Variants in CSMD1 observed in about 807,000 individuals in gnomAD.
CSMD1 encodes the protein CUB and Sushi multiple domains 1, also known as CUB and sushi domain-containing protein 1.
In CSMD1, 213 loss-of-function variants were observed where a neutral mutation model predicts 417.5. That is an observed-to-expected ratio of 0.51 (90% confidence interval 0.46 to 0.57). The LOEUF is 0.57. Among genes scored for constraint, CSMD1 ranks in the 20% least tolerant of loss-of-function variants. CSMD1 has a pLI of 0.00. For missense variants in CSMD1, 6,923 were observed against 4,529.7 expected (o/e 1.53, Z -15.17); for synonymous variants, 2,862 against 1,736.8 (o/e 1.65, Z -16.11).
intron 50 of CSMD1, among the ~76,000 whole-genome samples, chr8:3,030,477 T>C (rs543265553): frequency 9.2e-5 from 14 of 151,938 alleles, no homozygotes; most frequent in Non-Finnish European, 2.1e-4. Flanking sequence ...AATTCTTTTT[T>C]TGTGTGTGTG....
chr8:4,690,137 T>G (rs1472376246), intron 1 of CSMD1, among the ~76,000 whole-genome samples: 1 of 152,244 alleles, frequency 6.6e-6, no homozygotes, highest in African/African-American at 2.4e-5. Flanking sequence ...GTGAAAGACT[T>G]ATTACAATGC....
chr8:3,858,646 T>A (rs929311169), intron 5 of CSMD1, among the ~76,000 whole-genome samples: 2 of 150,892 alleles, frequency 1.3e-5, no homozygotes, highest in African/African-American at 4.9e-5. Flanking sequence ...TTCTATGTAT[T>A]TAATGCTGTT....
chr8:4,059,914 A>G (rs537443033), intron 3 of CSMD1, among the ~76,000 whole-genome samples: 1 of 152,000 alleles, frequency 6.6e-6, no homozygotes, highest in South Asian at 2.1e-4. Flanking sequence ...ATCAATAGAA[A>G]AAGAGGGAAT....
intron 7 of CSMD1, among the ~76,000 whole-genome samples, chr8:3,649,573 T>G (rs560564896): frequency 6.6e-6 from 1 of 152,094 alleles, no homozygotes; most frequent in Admixed American, 6.5e-5. Flanking sequence ...CTGTGCAAAG[T>G]GGGGAGAGCC....
chr8:3,947,290 A>G (rs1811294611), intron 5 of CSMD1, among the ~76,000 whole-genome samples: 1 of 152,154 alleles, frequency 6.6e-6, no homozygotes, highest in Non-Finnish European at 1.5e-5. Context: ...GTGATTATGT[A>G]TGCAGCTTTT....
intron 2 of CSMD1, among the ~76,000 whole-genome samples, chr8:4,430,785 G>A (rs1409978792): frequency 1.3e-5 from 2 of 152,106 alleles, no homozygotes; most frequent in East Asian, 1.9e-4. Context: ...ATTTACAAAT[G>A]ACATTAAAAC....
At chr8:4,679,642 T>C (rs1461836018) in intron 1 of CSMD1, among the ~76,000 whole-genome samples, 1 of 152,120 alleles carries the variant, frequency 6.6e-6, no homozygotes, top group African/African-American at 2.4e-5. Context: ...AAAGATAATA[T>C]CTTACTAGGA....
intron 3 of CSMD1, among the ~76,000 whole-genome samples, chr8:4,101,594 T>G (rs1209452596): frequency 6.6e-6 from 1 of 152,214 alleles, no homozygotes; most frequent in Non-Finnish European, 1.5e-5. Flanking sequence ...TTTTAAAATA[T>G]TCCAACCCAA....
intron 3 of CSMD1, among the ~76,000 whole-genome samples, chr8:4,056,535 T>C (rs1319280101): frequency 6.6e-6 from 1 of 151,778 alleles, no homozygotes; most frequent in Admixed American, 6.6e-5. Flanking sequence ...ATTTCAATTT[T>C]ATTATTATTA....
At chr8:3,331,214 G>C (rs1275953868) in intron 23 of CSMD1, among the ~76,000 whole-genome samples, 1 of 141,628 alleles carries the variant, frequency 7.1e-6, no homozygotes, top group Non-Finnish European at 1.5e-5. Context: ...CTCCAGCCTG[G>C]CCGACAGAAC....
At chr8:3,439,351 T>C (rs1161729736) in intron 12 of CSMD1, among the ~76,000 whole-genome samples, 1 of 144,736 alleles carries the variant, frequency 6.9e-6, no homozygotes, top group Non-Finnish European at 1.5e-5. Flanking sequence ...GACATTTTGA[T>C]AGCTGTGTAT....
At chr8:2,950,064 A>G (rs1259777262) in intron 67 of CSMD1, among the ~76,000 whole-genome samples, 167 bp downstream of exon 67, 2 of 152,114 alleles carry the variant, frequency 1.3e-5, no homozygotes, top group South Asian at 2.1e-4. Context: ...CCCTTATAAA[A>G]TGAAGGAATA....
intron 33 of CSMD1, 50 bp from the exon 34 acceptor site, chr8:3,190,165 A>G (rs1286112403): frequency 8.3e-6 from 12 of 1,449,088 alleles, no homozygotes; most frequent in South Asian, 6.1e-5. Context: ...TCAGCAAGCC[A>G]GGACGTTGCG....
chr8:3,304,736 A>AC (rs1491413075), intron 25 of CSMD1, among the ~76,000 whole-genome samples: 1 of 120,266 alleles, frequency 8.3e-6, no homozygotes, highest in Non-Finnish European at 1.8e-5. Flanking sequence ...TTCTCTTTTT[A>AC]ATTTTTTTTA....
intron 5 of CSMD1, among the ~76,000 whole-genome samples, chr8:3,786,908 G>C (rs1433671952): frequency 6.6e-6 from 1 of 152,048 alleles, no homozygotes; most frequent in African/African-American, 2.4e-5. Flanking sequence ...CCTAATACTA[G>C]CACCTTTAGG....
intron 20 of CSMD1, among the ~76,000 whole-genome samples, chr8:3,364,713 A>T (rs1585056791): frequency 1.3e-5 from 2 of 152,282 alleles, no homozygotes; most frequent in African/African-American, 4.8e-5. Context: ...TGACCATATT[A>T]CCTTCTGCCA....
intron 12 of CSMD1, among the ~76,000 whole-genome samples, chr8:3,450,082 T>C (rs767516313): frequency 6.6e-6 from 1 of 152,134 alleles, no homozygotes; most frequent in Non-Finnish European, 1.5e-5. Context: ...CGGAAAATCA[T>C]CTGGTTTGCT....
At chr8:3,428,792 C>G (rs270065) in intron 12 of CSMD1, among the ~76,000 whole-genome samples, 2 of 152,102 alleles carry the variant, frequency 1.3e-5, no homozygotes, top group African/African-American at 4.8e-5. Flanking sequence ...AGCCAAGATA[C>G]GGAAAGAACC....
At chr8:4,243,293 C>T (rs1802510146) in intron 3 of CSMD1, among the ~76,000 whole-genome samples, 1 of 152,104 alleles carries the variant, frequency 6.6e-6, no homozygotes, top group Non-Finnish European at 1.5e-5. Flanking sequence ...GTCTGAATTT[C>T]ATGGTAAAGG....
Sources: allele counts gnomAD v4.1 joint callset (sites outside exome capture counted in the v4.1 genomes callset), GRCh38; gene constraint gnomAD v4.1.1; transcripts MANE v1.5; gene names NCBI Gene and HGNC (gene_info 2026-07-23, HGNC 2026-07-21).